CXCL14: variants seen among roughly 807,000 people sequenced by gnomAD.
CXCL14 encodes C-X-C motif chemokine ligand 14.
Under a neutral mutation model 16.1 loss-of-function variants are expected in CXCL14, and 9 were observed. That is an observed-to-expected ratio of 0.56 (90% CI 0.34 to 0.97). The LOEUF is 0.97. CXCL14 is among the 50% of genes least tolerant of loss of function. The probability of loss-of-function intolerance (pLI) is 0.02; values close to 1 mark genes in which losing one functional copy is unlikely to be tolerated. For synonymous variants in CXCL14, 55 were observed against 52.8 expected, an observed-to-expected ratio of 1.04 and a Z score of -0.18; for missense variants, 111 against 132.5, an observed-to-expected ratio of 0.84 and a Z score of 0.80.
chr5:135,574,326 G>C (rs1228226819), intron 3 of CXCL14, among the ~76,000 whole-genome samples: 2 of 152,238 alleles, frequency 1.3e-5, no homozygotes, highest in Non-Finnish European at 2.9e-5. Context: ...ACAGACTTTA[G>C]TTTACAAAAT....
At chr5:135,578,026 C>T (rs996652059) in intron 2 of CXCL14, among the ~76,000 whole-genome samples, 5 of 152,218 alleles carry the variant, frequency 3.3e-5, no homozygotes. Flanking sequence ...TTGCATTAGT[C>T]CTCTATCCAG....
chr5:135,578,607 C>G (rs1015819896), intron 1 of CXCL14, 68 bp from the exon 2 acceptor site: 2 of 1,590,254 alleles, frequency 1.3e-6, no homozygotes, highest in South Asian at 2.2e-5. Context: ...ACCTTGGTGC[C>G]CACCCAGACC....
At chr5:135,574,817 G>GC (rs1751075653) in intron 2 of CXCL14, 132 bp from the exon 3 acceptor site, 5 of 705,480 alleles carry the variant, frequency 7.1e-6, no homozygotes, top group African/African-American at 3.6e-5. Flanking sequence ...TCTCAAGGGA[G>GC]CCGACTTGTG....
chr5:135,578,392 A>G, intron 2 of CXCL14, 42 bp downstream of exon 2: 1 of 1,531,748 alleles, frequency 6.5e-7, no homozygotes, highest in Non-Finnish European at 9.1e-7. Flanking sequence ...CATTGGGTTG[A>G]CAGCAGTGCG....
intron 2 of CXCL14, among the ~76,000 whole-genome samples, chr5:135,577,567 G>A (rs1352767759): frequency 2.0e-5 from 3 of 152,150 alleles, no homozygotes; most frequent in Non-Finnish European, 4.4e-5. Context: ...AGCTGGTGGA[G>A]GGCACTTGCC....
chr5:135,575,376 C>T (rs1372983056), intron 2 of CXCL14, among the ~76,000 whole-genome samples: 1 of 152,160 alleles, frequency 6.6e-6, no homozygotes, highest in Non-Finnish European at 1.5e-5. Context: ...AGAAGCCTAG[C>T]CATGTGGTAG....
At chr5:135,574,321 C>A (rs1440326721) in intron 3 of CXCL14, among the ~76,000 whole-genome samples, 2 of 152,230 alleles carry the variant, frequency 1.3e-5, no homozygotes, top group South Asian at 4.1e-4. Flanking sequence ...GTGAGACAGA[C>A]TTTAGTTTAC....
chr5:135,574,531 T>C (rs1176091891), intron 3 of CXCL14, 41 bp downstream of exon 3: 1 of 1,546,940 alleles, frequency 6.5e-7, no homozygotes, highest in Non-Finnish European at 8.9e-7. Flanking sequence ...GAGCCACAGC[T>C]GGGTCTGGTG....
At chr5:135,576,590 C>T (rs1751101519) in intron 2 of CXCL14, among the ~76,000 whole-genome samples, 1 of 152,122 alleles carries the variant, frequency 6.6e-6, no homozygotes, top group Non-Finnish European at 1.5e-5. Context: ...GTCCTGTGAC[C>T]CTCTCCTCCA....
chr5:135,571,422 G>A lies in CXCL14; in HGVS notation c.*431C>T, dbSNP rs1167835127. On this transcript the variant is annotated 3_prime_UTR_variant, in exon 4 of 4. Coordinates refer to ENST00000512158, the MANE Select transcript of CXCL14 (RefSeq NM_004887.5). ...TGCCGAGGCGCCAGGACCTCTAAGC[G>A]GAAGCTTCCCAAGCTAGGAATGGAG... The A allele has an allele frequency of 6.1e-6, 1 of 164,746 alleles. No homozygotes were observed. The highest frequency in any genetic ancestry group is 2.4e-5 in the African/African-American group (1 of 41,740). The allele number at this position is 164,746 out of a possible 1,614,324, so 10.2% of individuals were successfully genotyped here. A position where few individuals can be genotyped will look rare whatever the true frequency, so the allele number is the denominator to read the frequency against.
Position 135,578,816 on chromosome 5 carries a change from G to C in CXCL14, c.-38C>G. The C allele has an allele frequency of 6.6e-7, 1 of 1,517,812 alleles. No homozygotes were observed. Among genetic ancestry groups the C allele is most frequent in the South Asian group, 1.2e-5 (1 of 80,210 alleles). The allele number at this position is 1,517,812 out of a possible 1,614,324, so 94.0% of individuals were successfully genotyped here. On this transcript the variant is annotated 5_prime_UTR_variant, in exon 1 of 4. Transcript: ENST00000512158. ...GGCGCGGCGTGGGAGCAGGGACATG[G>C]GGAGGGCGCTGGCCCGTCGGAGCGG...
chr5:135,575,546 C>T (rs1374217236), intron 2 of CXCL14, among the ~76,000 whole-genome samples: 1 of 152,222 alleles, frequency 6.6e-6, no homozygotes, highest in Non-Finnish European at 1.5e-5. Context: ...AAGATACAAT[C>T]TTTAGAAAGT....
intron 3 of CXCL14, among the ~76,000 whole-genome samples, chr5:135,572,711 CAGAAGCTCCCT>C (rs1751046245): frequency 6.6e-6 from 1 of 152,234 alleles, no homozygotes; most frequent in African/African-American, 2.4e-5. Flanking sequence ...CTGTGGTGGC[CAGAAGCTCCCT>C]GGAAGCTCTG....
At chr5:135,572,999 G>A (rs965737103) in intron 3 of CXCL14, among the ~76,000 whole-genome samples, 23 of 152,124 alleles carry the variant, frequency 1.5e-4, no homozygotes, top group African/African-American at 5.3e-4. Flanking sequence ...AGAAGGCCTG[G>A]TAGTGAGAGG....
rs1198037364 is a variant in CXCL14 at position 135,578,849 on chromosome 5, G to GA, written c.-72dup. On this transcript the variant is annotated 5_prime_UTR_variant, in exon 1 of 4. Transcript: ENST00000512158. ...GCTGGCCCGTCGGAGCGGCGGCCCG[G>GA]AGACGCCACCCAGCTCTGCTCGGCT... is the stretch of plus-strand genomic sequence containing the variant. 2.1e-6 allele frequency: 3 copies of GA among 1,445,318 alleles called. No individual in the cohort carries two copies. In the South Asian group the frequency reaches 4.1e-5, roughly 20 times the overall value. The allele number at this position is 1,445,318 out of a possible 1,614,324, so 89.5% of individuals were successfully genotyped here.
chr5:135,578,897 CCG>C lies in CXCL14; in HGVS notation c.-121_-120del. ...GCTTTCTCTGCCCGGGGCGCGCCTT[CCG>C]GCTCTGCTGGCTCCGGCTGCGCCGT... On this transcript the variant is annotated 5_prime_UTR_variant, in exon 1 of 4. Transcript: ENST00000512158. 2.6e-6 allele frequency: 3 copies of C among 1,141,880 alleles called. No homozygotes were observed. Among genetic ancestry groups the C allele is most frequent in the Non-Finnish European group, 2.3e-6 (2 of 852,634 alleles). 70.7% of individuals were successfully genotyped at this position (1,141,880 alleles called of 1,614,324 possible). A position where few individuals can be genotyped will look rare whatever the true frequency, so the allele number is the denominator to read the frequency against.
chr5:135,570,787 T>A lies in CXCL14; in HGVS notation c.*1066A>T, dbSNP rs977492777. On this transcript the variant is annotated 3_prime_UTR_variant, in exon 4 of 4. Coordinates refer to ENST00000512158, the MANE Select transcript of CXCL14 (RefSeq NM_004887.5). ...ATGTACATAGCATATAACACAGCAG[T>A]ACAATGCGGCATATACTGGGGGGCA... 3.3e-5 allele frequency: 5 copies of A among 151,422 alleles called. No homozygotes were observed. Among genetic ancestry groups the A allele is most frequent in the Non-Finnish European group, 2.9e-5 (2 of 67,960 alleles). The allele number at this position is 151,422 out of a possible 1,614,324, so 9.4% of individuals were successfully genotyped here. A position where few individuals can be genotyped will look rare whatever the true frequency, so the allele number is the denominator to read the frequency against.
intron 2 of CXCL14, among the ~76,000 whole-genome samples, chr5:135,577,190 T>TA (rs900541141): frequency 1.3e-5 from 2 of 152,184 alleles, no homozygotes; most frequent in African/African-American, 4.8e-5. Flanking sequence ...GTTTGGTTAA[T>TA]AGAGTGGTTT....
At chr5:135,574,999 G>T (rs1751078042) in intron 2 of CXCL14, among the ~76,000 whole-genome samples, 1 of 152,146 alleles carries the variant, frequency 6.6e-6, no homozygotes, top group Admixed American at 6.5e-5. Flanking sequence ...GTTGTCTCCA[G>T]GGCTCAGGCC....
Sources: gnomAD v4.1 joint callset for allele counts (sites outside exome capture counted in the v4.1 genomes callset) on GRCh38, gnomAD v4.1.1 for gene constraint, MANE v1.5 for transcripts, NCBI Gene and HGNC (gene_info 2026-07-23, HGNC 2026-07-21) for gene names.